The following KLHL26 variants were observed in gnomAD, a reference collection of about 807,000 sequenced individuals.
The protein encoded by KLHL26 is kelch like family member 26.
KLHL26 carries 4 observed loss-of-function variants against 7.1 expected under a neutral mutation model. That is an observed-to-expected ratio of 0.56 (90% CI 0.28 to 1.28). The LOEUF (loss-of-function observed/expected upper bound fraction) is 1.28. Ranked by LOEUF, KLHL26 falls within the 50% of genes most tolerant of loss-of-function variation. The pLI is 0.11. For synonymous variants in KLHL26, 465 were observed against 414.1 expected, an observed-to-expected ratio of 1.12 and a Z score of -1.49; for missense variants, 896 against 924.6, an observed-to-expected ratio of 0.97 and a Z score of 0.40.
intron 1 of KLHL26, among the ~76,000 whole-genome samples, chr19:18,663,108 G>C (rs2052408386): frequency 6.6e-6 from 1 of 152,194 alleles, no homozygotes; most frequent in Non-Finnish European, 1.5e-5. Flanking sequence ...TGCTTCCCCA[G>C]GGACTCAAAG....
rs764183042 is a variant in KLHL26 at position 18,668,125 on chromosome 19, G to A, written c.728G>A (p.Arg243His). 5.0e-6 allele frequency: 8 copies of A among 1,600,864 alleles called. No individual in the cohort carries two copies. The highest frequency in any genetic ancestry group is 4.0e-5 in the African/African-American group (3 of 74,830). ...CAGCATGACCCGGCCCGGCGGCCGC[G>A]CGCCAGCCACGTGCTCTGCCACATT... ...WLQHDPARRP[R>H]ASHVLCHIRF... Residue 243 changes from arginine (R) to histidine (H), a missense_variant, in exon 3 of 3, where the codon CGC becomes CAC. Arg to His is a conservative substitution (Grantham distance 29). Coordinates refer to ENST00000300976, the MANE Select transcript of KLHL26 (RefSeq NM_018316.3).
intron 1 of KLHL26, among the ~76,000 whole-genome samples, chr19:18,661,217 T>C (rs1360052710): frequency 6.6e-6 from 1 of 152,116 alleles, no homozygotes; most frequent in Non-Finnish European, 1.5e-5. Context: ...CCCTGATGTC[T>C]CCTCTGAGAT....
At chr19:18,660,710 C>T (rs371741681) in intron 1 of KLHL26, among the ~76,000 whole-genome samples, 1 of 152,206 alleles carries the variant, frequency 6.6e-6, no homozygotes, top group African/African-American at 2.4e-5. Flanking sequence ...TGGCCTCCTC[C>T]CTCCTTGAGT....
intron 2 of KLHL26, 171 bp from the exon 3 acceptor site, chr19:18,667,493 C>G (rs527653873): frequency 1.3e-5 from 16 of 1,200,418 alleles, no homozygotes; most frequent in Non-Finnish European, 1.7e-5. Flanking sequence ...CATGAGCCAC[C>G]GCGCCCGGCC....
rs751738579 is a variant in KLHL26, at chr19:18,669,222, C to T, written c.1825C>T (p.Pro609Ser). 1.2e-6 allele frequency: 2 copies of T among 1,610,632 alleles called. No homozygotes were observed. Among genetic ancestry groups the T allele is most frequent in the Non-Finnish European group, 1.7e-6 (2 of 1,179,812 alleles). ...AGIACAPVLL[P>S]RAGTRR The stretch of plus-strand genomic sequence containing the variant: ...CATAGCCTGCGCCCCCGTCCTGCTG[C>T]CCCGGGCCGGGACCAGGAGGTAGCC... Residue 609 changes from proline (P) to serine (S), a missense_variant, in exon 3 of 3, where the codon CCC becomes TCC. Physicochemically the swap from Pro to Ser is moderately conservative, Grantham distance 74. Coordinates refer to ENST00000300976, the MANE Select transcript of KLHL26 (RefSeq NM_018316.3).
At chr19:18,662,999 C>G (rs1600705804) in intron 1 of KLHL26, among the ~76,000 whole-genome samples, 1 of 152,154 alleles carries the variant, frequency 6.6e-6, no homozygotes, top group Non-Finnish European at 1.5e-5. Context: ...CCCCACCCTC[C>G]CAGGCAAACA....
At chr19:18,653,310 A>G (rs1450154560) in intron 1 of KLHL26, among the ~76,000 whole-genome samples, 1 of 150,264 alleles carries the variant, frequency 6.7e-6, no homozygotes, top group Non-Finnish European at 1.5e-5. Flanking sequence ...GTTCACACCT[A>G]TGTCCACCAG....
rs1215019032 is a variant in KLHL26, at chr19:18,668,623, ACGTGCTGTG to A, written c.1229_1237del (p.Val410_Cys412del). 2 of 1,583,486 alleles carry A rather than the reference ACGTGCTGTG, an allele frequency of 1.3e-6. No homozygotes were observed. Among genetic ancestry groups the A allele is most frequent in the Admixed American group, 3.5e-5 (2 of 57,632 alleles). Reference sequence around the variant, plus strand: ...GAAAGCCGCATCCAGTTCCAGCTGAACGTGCTGTGCGGCATGGTGTACGCCACGGGCGGC... The same window carrying A: ...GAAAGCCGCATCCAGTTCCAGCTGAACGGCATGGTGTACGCCACGGGCGGC... On this transcript the variant is annotated inframe_deletion, in exon 3 of 3. Coordinates refer to ENST00000300976, the MANE Select transcript of KLHL26 (RefSeq NM_018316.3).
intron 1 of KLHL26, among the ~76,000 whole-genome samples, chr19:18,642,364 T>TGTGTGTGC (rs1976728091): frequency 6.6e-6 from 1 of 151,374 alleles, no homozygotes; most frequent in Non-Finnish European, 1.5e-5. Context: ...TGTGTGTGTG[T>TGTGTGTGC]GTGTGTGTGT....
At chr19:18,644,886 A>T (rs965619715) in intron 1 of KLHL26, among the ~76,000 whole-genome samples, 3 of 151,532 alleles carry the variant, frequency 2.0e-5, no homozygotes, top group African/African-American at 7.3e-5. Context: ...CGGTACCACA[A>T]CTCAAGAAAC....
In KLHL26 at chr19:18,648,717, TG is replaced by T. The variant is rs1976848417; in HGVS notation, c.83+11583del. Among the ~76,000 whole-genome samples, 1 of 152,172 alleles carries T rather than the reference TG, an allele frequency of 6.6e-6. No individual in the cohort carries two copies. Among genetic ancestry groups the T allele is most frequent in the Admixed American group, 6.5e-5 (1 of 15,284 alleles). ...TCTTCCCACCAGCAGGTCCCAGTCC[TG>T]GGAATGTCCCTCCTCCTGAGAGAAG... On this transcript the variant is annotated intron_variant, in intron 1 of 2. Coordinates refer to ENST00000300976, the MANE Select transcript of KLHL26 (RefSeq NM_018316.3). This position sits in a 1 kb window ranked among gnomAD's most constrained non-coding sequence, Gnocchi z 4.9.
chr19:18,667,973 C>T lies in KLHL26; in HGVS notation c.576C>T (p.Phe192=). ...TGGATGCCTTCACCTTCCGGCACTT[C>T]CTGCAGATCGCCGAGGAGGAGGATT... is the stretch of plus-strand genomic sequence containing the variant. The part of the protein sequence containing the change: ...ESVDAFTFRH[F]LQIAEEEDFL... Residue 192 remains phenylalanine (F), a synonymous_variant, in exon 3 of 3, where the codon TTC becomes TTT. Transcript: ENST00000300976. 6.2e-7 allele frequency: 1 copy of T among 1,608,828 alleles called. No individual in the cohort carries two copies. Among genetic ancestry groups the T allele is most frequent in the South Asian group, 1.1e-5 (1 of 91,090 alleles).
At position 18,646,553 on chromosome 19, in the gene KLHL26, T is replaced by TGG. The variant is rs1976805046; in HGVS notation, c.83+9416_83+9417insGG. ...CCATGGGTGACTGTGGCTCCCTCTT[T>TGG]ATGGGTTGTGGCTGTGACAGATTCC... On this transcript the variant is annotated intron_variant, in intron 1 of 2. Transcript: ENST00000300976. This position sits in a 1 kb window ranked among gnomAD's most constrained non-coding sequence, Gnocchi z 5.0. Among the ~76,000 whole-genome samples the TGG allele has an allele frequency of 6.6e-6, 1 of 152,194 alleles. No homozygotes were observed. Among genetic ancestry groups the TGG allele is most frequent in the African/African-American group, 2.4e-5 (1 of 41,440 alleles).
intron 1 of KLHL26, among the ~76,000 whole-genome samples, chr19:18,647,053 A>G (rs1976815731): frequency 6.6e-6 from 1 of 152,230 alleles, no homozygotes; most frequent in Non-Finnish European, 1.5e-5. Context: ...AGGCCGAGCC[A>G]CATCCAGGCC....
At chr19:18,651,884 A>T (rs2052262023) in intron 1 of KLHL26, among the ~76,000 whole-genome samples, 1 of 152,258 alleles carries the variant, frequency 6.6e-6, no homozygotes, top group Non-Finnish European at 1.5e-5. Context: ...GGCCCAATGC[A>T]GTGGGACCAA....
rs779905375 is a variant in KLHL26 at position 18,664,264 on chromosome 19, G to A, written c.87G>A (p.Thr29=). ...AGPGPERPNS[T]ADKNGALKCT... The stretch of plus-strand genomic sequence containing the variant: ...CCCACCTCTGCTTTCCCCGCAGCAC[G>A]GCCGACAAGAACGGGGCCCTCAAGT... The change falls in exon 2 of 3, where the codon ACG becomes ACA. Residue 29 remains threonine, a synonymous_variant. Transcript: ENST00000300976. 74 of 1,596,172 alleles carry A rather than the reference G, an allele frequency of 4.6e-5. 1 individual carries two copies. The highest frequency in any genetic ancestry group is 4.6e-4 in the South Asian group (41 of 89,082).
rs375345432 is a variant in KLHL26 at position 18,669,276 on chromosome 19, C to T, written c.*31C>T. 29 of 1,545,030 alleles carry T rather than the reference C, an allele frequency of 1.9e-5. No homozygotes were observed. The highest frequency in any genetic ancestry group is 3.5e-4 in the Middle Eastern group (2 of 5,692). ...AAGACCCCCGGGACCCTGGCCTGAC[C>T]GCATGTTGTCTCCAAGTGGGGCTTG... is the stretch of plus-strand genomic sequence containing the variant. On this transcript the variant is annotated 3_prime_UTR_variant, in exon 3 of 3. Transcript: ENST00000300976.
intron 1 of KLHL26, among the ~76,000 whole-genome samples, chr19:18,644,366 G>T (rs996656061): frequency 2.6e-5 from 4 of 152,188 alleles, no homozygotes; most frequent in African/African-American, 9.7e-5. Context: ...ATGAACATGA[G>T]TGTACACATT....
chr19:18,655,350 C>T (rs973085152), intron 1 of KLHL26, among the ~76,000 whole-genome samples: 28 of 152,240 alleles, frequency 1.8e-4, no homozygotes, highest in African/African-American at 4.6e-4. Context: ...GTCTCCCCAT[C>T]TGTGTGATGG....
Sources: allele counts gnomAD v4.1 joint callset (sites outside exome capture counted in the v4.1 genomes callset), GRCh38; gene constraint gnomAD v4.1.1; non-coding constraint Gnocchi (gnomAD v3.1); transcripts MANE v1.5; gene names NCBI Gene and HGNC (gene_info 2026-07-23, HGNC 2026-07-21).